The following ENPP1 variants were observed in gnomAD, a reference collection of about 807,000 sequenced individuals.
ENPP1 encodes ectonucleotide pyrophosphatase/phosphodiesterase 1.
In ENPP1, 73 loss-of-function variants were observed where a neutral mutation model predicts 122.8. The ratio of observed to expected loss-of-function variants is 0.59; its 90% confidence interval spans 0.49 to 0.72. The LOEUF (loss-of-function observed/expected upper bound fraction) is 0.72. Among genes scored for constraint, ENPP1 ranks in the 30% least tolerant of loss-of-function variants. The pLI, the probability that ENPP1 is intolerant of heterozygous loss-of-function variation, is 0.00. For synonymous variants in ENPP1, 367 were observed against 391.6 expected, an observed-to-expected ratio of 0.94 and a Z score of 0.74; for missense variants, 978 against 1,128.1, an observed-to-expected ratio of 0.87 and a Z score of 1.91.
intron 1 of ENPP1, among the ~76,000 whole-genome samples, chr6:131,821,323 C>T (rs891756515): frequency 6.6e-6 from 1 of 152,180 alleles, no homozygotes; most frequent in Non-Finnish European, 1.5e-5. Flanking sequence ...CTCGCTGTGC[C>T]ACTGACTTCA....
intron 1 of ENPP1, among the ~76,000 whole-genome samples, chr6:131,833,224 A>C (rs1390119722): frequency 6.6e-6 from 1 of 152,102 alleles, no homozygotes; most frequent in African/African-American, 2.4e-5. Context: ...AGAGCTTGTG[A>C]TTATCAGTCT....
At chr6:131,869,577 G>A (rs1242051800) in intron 13 of ENPP1, 88 bp downstream of exon 13, 5 of 1,422,942 alleles carry the variant, frequency 3.5e-6, no homozygotes, top group South Asian at 2.3e-5. Context: ...GCCTGTAATC[G>A]CAGCACTTTG....
At chr6:131,817,754 T>TGCACACAC (rs1554275962) in intron 1 of ENPP1, among the ~76,000 whole-genome samples, 1 of 146,336 alleles carries the variant, frequency 6.8e-6, no homozygotes, top group African/African-American at 2.5e-5. Flanking sequence ...TCTCTCTCCA[T>TGCACACAC]ACACACACAC....
rs747557969 is a variant in ENPP1, at chr6:131,851,334, G to C, written c.556+67G>C. On this transcript the variant is annotated intron_variant, in intron 4 of 24. Coordinates refer to ENST00000647893, the MANE Select transcript of ENPP1 (RefSeq NM_006208.3). ...AGCGTCTTAGCGGGGCTTTACATAG[G>C]TGTTATCTTTTATATTAGGAGTCAT... 2.5e-6 allele frequency: 4 copies of C among 1,605,600 alleles called. No individual in the cohort carries two copies. In the Admixed American group the frequency reaches 5.0e-5, roughly 20 times the overall value.
chr6:131,848,039 T>C (rs1781835325), intron 2 of ENPP1, among the ~76,000 whole-genome samples, 191 bp downstream of exon 2: 1 of 152,224 alleles, frequency 6.6e-6, no homozygotes, highest in South Asian at 2.1e-4. Flanking sequence ...TATAAAGTTC[T>C]ACTTACAAAA....
At chr6:131,890,255 T>C in intron 24 of ENPP1, 86 bp from the exon 25 acceptor site, 1 of 1,074,796 alleles carries the variant, frequency 9.3e-7, no homozygotes, top group South Asian at 1.3e-5. Context: ...ATCTCGTAAA[T>C]GATTAAACTG....
rs1272703970 is a variant in ENPP1, at chr6:131,892,361, T to C, written c.*1850T>C. 1 of 152,200 alleles carries C rather than the reference T, an allele frequency of 6.6e-6. No homozygotes were observed. Among genetic ancestry groups the C allele is most frequent in the Admixed American group, 6.5e-5 (1 of 15,276 alleles). The allele number at this position is 152,200 out of a possible 1,614,324, so 9.4% of individuals were successfully genotyped here. A position where few individuals can be genotyped will look rare whatever the true frequency, so the allele number is the denominator to read the frequency against. ...GTGGCTAGGAGTCCAGGTTCCCCAG[T>C]CAGCCTCCCTTTATACTGAGTAACA... On this transcript the variant is annotated 3_prime_UTR_variant, in exon 25 of 25. Transcript: ENST00000647893.
chr6:131,868,798 A>G (rs1782121379), intron 12 of ENPP1, among the ~76,000 whole-genome samples: 1 of 152,216 alleles, frequency 6.6e-6, no homozygotes, highest in African/African-American at 2.4e-5. Context: ...TAATTTTGAT[A>G]ATATTTTCAC....
chr6:131,875,513 GA>G (rs139777112), intron 16 of ENPP1, among the ~76,000 whole-genome samples: 9 of 150,636 alleles, frequency 6.0e-5, no homozygotes, highest in African/African-American at 1.2e-4. Flanking sequence ...TGTCATAGAT[GA>G]AAAAAAAATG....
intron 5 of ENPP1, 108 bp from the exon 6 acceptor site, chr6:131,854,818 C>T: frequency 1.3e-6 from 1 of 790,208 alleles, no homozygotes; most frequent in East Asian, 2.5e-5. Flanking sequence ...TCACACAGAC[C>T]TTAGTGGAAA....
intron 1 of ENPP1, among the ~76,000 whole-genome samples, chr6:131,818,932 G>C (rs1781451450): frequency 6.6e-6 from 1 of 152,130 alleles, no homozygotes; most frequent in Admixed American, 6.5e-5. Context: ...ATGTTAGCTT[G>C]TCCCTTCAAG....
At chr6:131,834,757 C>A (rs961587961) in intron 1 of ENPP1, among the ~76,000 whole-genome samples, 4 of 149,534 alleles carry the variant, frequency 2.7e-5, no homozygotes, top group African/African-American at 9.7e-5. Flanking sequence ...GACGGGGTTT[C>A]ACCATGTTGG....
At chr6:131,847,883 G>C (rs749770849) in intron 2 of ENPP1, 35 bp downstream of exon 2, 10 of 1,472,566 alleles carry the variant, frequency 6.8e-6, no homozygotes, top group Non-Finnish European at 8.5e-6. Context: ...GTGTGTGTGT[G>C]TGTGTGTGTG....
chr6:131,830,983 T>C (rs1438131626), intron 1 of ENPP1, among the ~76,000 whole-genome samples: 2 of 151,820 alleles, frequency 1.3e-5, no homozygotes, highest in African/African-American at 4.8e-5. Context: ...CATAGTGGCA[T>C]GTACCTGTAG....
At position 131,890,785 on chromosome 6, in the gene ENPP1, C is replaced by G. The variant is rs1265823472; in HGVS notation, c.*274C>G. On this transcript the variant is annotated 3_prime_UTR_variant, in exon 25 of 25. Transcript: ENST00000647893. ...GACCACACCTAAAACTGCCTTTCTGCTTCTCTTAAAGGAGAAGTAGCTGTG... is the reference window on the plus strand; with the variant it reads ...GACCACACCTAAAACTGCCTTTCTGGTTCTCTTAAAGGAGAAGTAGCTGTG... The G allele has an allele frequency of 2.2e-6, 1 of 449,840 alleles. No individual in the cohort carries two copies. The highest frequency in any genetic ancestry group is 4.0e-6 in the Non-Finnish European group (1 of 247,472). The allele number at this position is 449,840 out of a possible 1,614,324, so 27.9% of individuals were successfully genotyped here.
At chr6:131,843,161 T>C (rs1040239671) in intron 1 of ENPP1, among the ~76,000 whole-genome samples, 2 of 152,210 alleles carry the variant, frequency 1.3e-5, no homozygotes, top group Non-Finnish European at 2.9e-5. Context: ...TCAAACTAAA[T>C]TAGGTTTCAC....
intron 11 of ENPP1, among the ~76,000 whole-genome samples, chr6:131,867,311 A>C (rs1782103446): frequency 6.6e-6 from 1 of 152,220 alleles, no homozygotes; most frequent in Non-Finnish European, 1.5e-5. Context: ...ACAAAACTGC[A>C]CAAAAATTTT....
intron 6 of ENPP1, among the ~76,000 whole-genome samples, chr6:131,857,050 G>A (rs1291082423): frequency 6.6e-6 from 1 of 152,094 alleles, no homozygotes; most frequent in Non-Finnish European, 1.5e-5. Flanking sequence ...GCTTGATGGG[G>A]ATGGCATTGA....
intron 11 of ENPP1, 144 bp from the exon 12 acceptor site, chr6:131,867,874 C>T: frequency 1.5e-6 from 1 of 661,748 alleles, no homozygotes; most frequent in Non-Finnish European, 2.7e-6. Context: ...TAGTTGCATC[C>T]ACTGGCCCTT....
Sources: gnomAD v4.1 joint callset for allele counts (sites outside exome capture counted in the v4.1 genomes callset) on GRCh38, gnomAD v4.1.1 for gene constraint, MANE v1.5 for transcripts, NCBI Gene and HGNC (gene_info 2026-07-23, HGNC 2026-07-21) for gene names.